Variants in ZNF385D observed in about 807,000 individuals in gnomAD.
ZNF385D encodes zinc finger protein 385D, also known as zinc finger protein 659.
In ZNF385D, 15 loss-of-function variants were observed where a neutral mutation model predicts 35.8. That is an observed-to-expected ratio of 0.42 (90% CI 0.28 to 0.64). The LOEUF (loss-of-function observed/expected upper bound fraction) is 0.64, where lower values mean the gene tolerates loss of function less well. Ranked by LOEUF, ZNF385D falls within the 30% of genes least tolerant of loss-of-function variation. ZNF385D has a pLI of 0.23. For synonymous variants in ZNF385D, 212 were observed against 186.8 expected (o/e 1.13, Z -1.10); for missense variants, 474 against 494.6 (o/e 0.96, Z 0.39).
intron 2 of ZNF385D, among the ~76,000 whole-genome samples, chr3:21,596,853 A>G (rs1467818163): frequency 1.3e-5 from 2 of 152,020 alleles, no homozygotes; most frequent in Admixed American, 6.6e-5. Flanking sequence ...TCTTCTCTGC[A>G]TAGGTAAGAA....
intron 1 of ZNF385D, among the ~76,000 whole-genome samples, chr3:21,703,861 C>T (rs752676351): frequency 1.2e-4 from 19 of 152,060 alleles, no homozygotes; most frequent in Non-Finnish European, 2.6e-4. Context: ...GTATGGTCAA[C>T]TCTCACCACT....
chr3:22,357,148 G>T (rs994730737), intron 2 of ZNF385D, among the ~76,000 whole-genome samples: 6 of 151,812 alleles, frequency 4.0e-5, no homozygotes, highest in Non-Finnish European at 5.9e-5. Flanking sequence ...TGAAGCTTTC[G>T]GATGGGAAGA....
Position 21,561,348 on chromosome 3 carries a change from C to T in ZNF385D, c.276+3226G>A, listed in dbSNP as rs147957764. Among the ~76,000 whole-genome samples, 115 of 152,278 alleles carry T rather than the reference C, an allele frequency of 7.6e-4. 1 individual carries two copies. The East Asian group carries it at 0.019, about 25-fold the overall frequency. ...GAAAAGCACAGTATCTGGGCTGGAG[C>T]GCACAATTCCTCATGGCACAGTCCC... On this transcript the variant is annotated intron_variant, in intron 3 of 7. Coordinates refer to ENST00000281523, the MANE Select transcript of ZNF385D (RefSeq NM_024697.3).
intron 3 of ZNF385D, among the ~76,000 whole-genome samples, chr3:22,158,326 C>T (rs1705721414): frequency 6.6e-6 from 1 of 151,996 alleles, no homozygotes. Flanking sequence ...TTCTGAAGTT[C>T]TATTGGAAAC....
intron 2 of ZNF385D, among the ~76,000 whole-genome samples, chr3:21,660,817 A>G (rs1457405170): frequency 6.6e-6 from 1 of 152,168 alleles, no homozygotes; most frequent in Non-Finnish European, 1.5e-5. Flanking sequence ...ATTGTACAGG[A>G]CACTGGGGCT....
intron 2 of ZNF385D, among the ~76,000 whole-genome samples, chr3:22,308,838 T>C (rs1703381103): frequency 6.6e-6 from 1 of 152,176 alleles, no homozygotes; most frequent in African/African-American, 2.4e-5. Flanking sequence ...TTCATGTAAG[T>C]TTCCAATTTT....
chr3:21,579,480 T>G (rs998170014), intron 2 of ZNF385D: 1 of 152,200 alleles, frequency 6.6e-6, no homozygotes, highest in African/African-American at 2.4e-5. Context: ...CTGTTAAAAT[T>G]TTCTTTTATG....
chr3:21,980,107 G>C (rs1329357514), intron 3 of ZNF385D, among the ~76,000 whole-genome samples: 2 of 152,040 alleles, frequency 1.3e-5, no homozygotes, highest in African/African-American at 4.8e-5. Context: ...CTATATTGTG[G>C]GGTTATTAAA....
At position 21,421,114 on chromosome 3, in the gene ZNF385D, ATACTT is replaced by A. The variant is rs1421758741; in HGVS notation, c.*95_*99del. ...TATCAAAAGTCCTGGCTCTTCAGAT[ATACTT>A]TAAACTATAAATAAACACTGCATAG... On this transcript the variant is annotated 3_prime_UTR_variant, in exon 8 of 8. Transcript: ENST00000281523. The A allele has an allele frequency of 1.2e-6, 1 of 817,068 alleles. No individual in the cohort carries two copies. The highest frequency in any genetic ancestry group is 3.2e-5 in the Admixed American group (1 of 31,020). The allele number at this position is 817,068 out of a possible 1,614,324, so 50.6% of individuals were successfully genotyped here.
At chr3:21,958,003 C>T (rs375357900) in intron 3 of ZNF385D, among the ~76,000 whole-genome samples, 70 of 152,270 alleles carry the variant, frequency 4.6e-4, no homozygotes, top group African/African-American at 1.6e-3. Context: ...CTCAAGATCA[C>T]CGCCAGTGTG....
chr3:22,318,877 A>T (rs1704044814), intron 2 of ZNF385D, among the ~76,000 whole-genome samples: 1 of 152,196 alleles, frequency 6.6e-6, no homozygotes, highest in Non-Finnish European at 1.5e-5. Flanking sequence ...AAATCGGAAA[A>T]TCAAAATTTG....
chr3:22,035,908 G>A (rs539161395), intron 3 of ZNF385D, among the ~76,000 whole-genome samples: 1 of 151,758 alleles, frequency 6.6e-6, no homozygotes, highest in African/African-American at 2.4e-5. Context: ...TAAATGATTA[G>A]GGACACAGGT....
chr3:21,895,655 TA>T lies in ZNF385D; in HGVS notation c.326-230628del, dbSNP rs200036753. Among the ~76,000 whole-genome samples the T allele has an allele frequency of 6.8e-3, 1,032 of 152,106 alleles. 10 individuals carry two copies. The highest frequency in any genetic ancestry group is 0.024 in the African/African-American group (978 of 41,468). The stretch of plus-strand genomic sequence containing the variant: ...CATGCCTGGCCCACTGAAGTGTTTT[TA>T]AACATGAAAGATTTCCCTTTGGGGA... On this transcript the variant is annotated intron_variant, in intron 3 of 5. Transcript: ENST00000494108.
intron 2 of ZNF385D, among the ~76,000 whole-genome samples, chr3:22,289,842 A>G (rs1481979732): frequency 1.3e-5 from 2 of 152,142 alleles, no homozygotes; most frequent in African/African-American, 4.8e-5. Flanking sequence ...AAAGGTTTAG[A>G]ATACACACAG....
chr3:21,933,427 A>T (rs1701110574), intron 3 of ZNF385D, among the ~76,000 whole-genome samples: 2 of 152,118 alleles, frequency 1.3e-5, no homozygotes, highest in South Asian at 4.1e-4. Context: ...AATACATGAG[A>T]CTATTGATGG....
At chr3:21,948,358 T>G (rs1216146553) in intron 3 of ZNF385D, among the ~76,000 whole-genome samples, 1 of 150,830 alleles carries the variant, frequency 6.6e-6, no homozygotes, top group African/African-American at 2.5e-5. Flanking sequence ...ACCCAGAAAC[T>G]CTTTTAGGAG....
intron 3 of ZNF385D, among the ~76,000 whole-genome samples, chr3:21,907,861 A>G (rs1699758325): frequency 6.6e-6 from 1 of 152,044 alleles, no homozygotes; most frequent in African/African-American, 2.4e-5. Context: ...CAGGATACAT[A>G]TATGTGGAGA....
At chr3:21,540,849 G>C (rs904954765) in intron 3 of ZNF385D, among the ~76,000 whole-genome samples, 2 of 152,096 alleles carry the variant, frequency 1.3e-5, no homozygotes, top group African/African-American at 4.8e-5. Context: ...GGCATATCTT[G>C]CCTCCGTTTC....
At chr3:21,698,505 A>G (rs958527805) in intron 1 of ZNF385D, among the ~76,000 whole-genome samples, 7 of 152,162 alleles carry the variant, frequency 4.6e-5, no homozygotes, top group Admixed American at 2.6e-4. Context: ...TCTTGGGTAC[A>G]GTGTTCACTA....
Sources: allele counts gnomAD v4.1 joint callset (sites outside exome capture counted in the v4.1 genomes callset), GRCh38; gene constraint gnomAD v4.1.1; transcripts MANE v1.5; gene names NCBI Gene and HGNC (gene_info 2026-07-23, HGNC 2026-07-21).